NUDCD1: variants seen among roughly 807,000 people sequenced by gnomAD.
NUDCD1 encodes nudC domain-containing protein 1.
In NUDCD1, 60 loss-of-function variants were observed where a neutral mutation model predicts 67.8. The ratio of observed to expected loss-of-function variants is 0.88; its 90% CI spans 0.72 to 1.10. NUDCD1 has a LOEUF of 1.10. Ranked by LOEUF, NUDCD1 falls within the 50% of genes least tolerant of loss-of-function variation. The pLI is 0.00. For synonymous variants in NUDCD1, 244 were observed against 230.8 expected, an observed-to-expected ratio of 1.06 and a Z score of -0.52; for missense variants, 643 against 695.0, an observed-to-expected ratio of 0.93 and a Z score of 0.84.
intron 4 of NUDCD1, among the ~76,000 whole-genome samples, chr8:109,292,090 GAAT>G (rs1188350861): frequency 6.6e-6 from 1 of 151,802 alleles, no homozygotes. Flanking sequence ...AATATTTAAA[GAAT>G]AATATTTAAA....
At chr8:109,324,727 TA>T (rs1194888217) in intron 1 of NUDCD1, among the ~76,000 whole-genome samples, 1 of 152,060 alleles carries the variant, frequency 6.6e-6, no homozygotes, top group Admixed American at 6.5e-5. Context: ...TATTCAGCCA[TA>T]AAAAAGAACG....
intron 4 of NUDCD1, among the ~76,000 whole-genome samples, chr8:109,291,820 T>C (rs1371747195): frequency 6.6e-6 from 1 of 152,158 alleles, no homozygotes; most frequent in Non-Finnish European, 1.5e-5. Flanking sequence ...ACTGCTATGT[T>C]CTGAGGCAAT....
intron 6 of NUDCD1, among the ~76,000 whole-genome samples, chr8:109,276,951 C>G (rs1814303936): frequency 6.6e-6 from 1 of 152,118 alleles, no homozygotes; most frequent in African/African-American, 2.4e-5. Flanking sequence ...GTGTGAGCCA[C>G]CGTGCCCAGC....
chr8:109,263,729 G>A (rs995213851), intron 8 of NUDCD1, among the ~76,000 whole-genome samples: 1 of 152,030 alleles, frequency 6.6e-6, no homozygotes, highest in Non-Finnish European at 1.5e-5. Context: ...GGGGAGGGGG[G>A]TGCTGGGAGA....
Position 109,325,134 on chromosome 8 carries a change from C to T in NUDCD1, c.119-2671G>A, listed in dbSNP as rs1815645919. 2.0e-5 allele frequency among the ~76,000 whole-genome samples: 3 copies of T among 151,414 alleles called. No homozygotes were observed. In the South Asian group the frequency reaches 6.3e-4, roughly 32 times the overall value. ...ACCAGGTACAGAAAGACATCATACA[C>T]GCAGCTAAAAAAGTGGATTTCATGG... On this transcript the variant is annotated intron_variant, in intron 1 of 9. Coordinates refer to ENST00000239690, the MANE Select transcript of NUDCD1 (RefSeq NM_032869.4).
intron 5 of NUDCD1, among the ~76,000 whole-genome samples, chr8:109,288,885 T>C (rs759778488): frequency 2.6e-5 from 4 of 152,144 alleles, no homozygotes; most frequent in Non-Finnish European, 5.9e-5. Context: ...ATATGAACAG[T>C]AATTATTACA....
At chr8:109,251,510 C>T (rs528129149) in intron 8 of NUDCD1, among the ~76,000 whole-genome samples, 1 of 152,018 alleles carries the variant, frequency 6.6e-6, no homozygotes, top group Non-Finnish European at 1.5e-5. Context: ...AGTAATTTTG[C>T]AGCTTAAAAA....
At position 109,333,955 on chromosome 8, in the gene NUDCD1, C is replaced by T. The variant is rs768282271; in HGVS notation, c.56G>A (p.Arg19His). 11 of 1,614,010 alleles carry T rather than the reference C, an allele frequency of 6.8e-6. No individual in the cohort carries two copies. Among genetic ancestry groups the T allele is most frequent in the Non-Finnish European group, 8.5e-6 (10 of 1,179,962 alleles). ...LRVKRPLLDP[R>H]FEGYKLSLEP... is the part of the protein sequence containing the mutation. ...AAGAGAGAGCTTGTAACCCTCGAAG[C>T]GGGGATCCAACAGAGGTCTCTTCAC... is the stretch of plus-strand genomic sequence containing the variant. The change falls in exon 1 of 10, where the codon CGC becomes CAC. Residue 19 changes from arginine to histidine, a missense_variant. Arg to His is a conservative substitution (Grantham distance 29). Coordinates refer to ENST00000239690, the MANE Select transcript of NUDCD1 (RefSeq NM_032869.4).
chr8:109,283,998 A>AC (rs1563671239), intron 5 of NUDCD1, among the ~76,000 whole-genome samples: 3 of 150,452 alleles, frequency 2.0e-5, no homozygotes, highest in Admixed American at 6.6e-5. Context: ...TTAAAAAAAA[A>AC]AAAAAAAAAC....
intron 2 of NUDCD1, among the ~76,000 whole-genome samples, chr8:109,320,269 T>G (rs1327339396): frequency 3.9e-5 from 6 of 152,190 alleles, no homozygotes; most frequent in Non-Finnish European, 2.9e-5. Context: ...GGAATCTATT[T>G]CACCTCTGCA....
At chr8:109,255,678 G>GA (rs34690940) in intron 8 of NUDCD1, among the ~76,000 whole-genome samples, 258 of 92,358 alleles carry the variant, frequency 2.8e-3, no homozygotes, top group Middle Eastern at 6.0e-3. Flanking sequence ...GTTCCACACA[G>GA]AAAAAAAAAA....
chr8:109,313,031 C>G (rs1280544585), intron 2 of NUDCD1, among the ~76,000 whole-genome samples: 1 of 152,150 alleles, frequency 6.6e-6, no homozygotes, highest in Non-Finnish European at 1.5e-5. Context: ...CATAAACAAC[C>G]AATTTCCTGA....
chr8:109,266,868 A>G (rs1282946739), intron 8 of NUDCD1, among the ~76,000 whole-genome samples: 3 of 152,116 alleles, frequency 2.0e-5, no homozygotes, highest in Admixed American at 6.5e-5. Context: ...CAAAATGGCA[A>G]TTCTAACCCT....
intron 5 of NUDCD1, among the ~76,000 whole-genome samples, chr8:109,282,378 C>A (rs1228428945): frequency 1.3e-5 from 2 of 152,110 alleles, no homozygotes; most frequent in East Asian, 3.9e-4. Flanking sequence ...AACCTGCCAA[C>A]AGAAGTGCAT....
intron 3 of NUDCD1, among the ~76,000 whole-genome samples, chr8:109,294,111 T>C (rs913174490): frequency 6.1e-4 from 93 of 152,166 alleles, no homozygotes; most frequent in Non-Finnish European, 6.2e-4. Flanking sequence ...CAACAACTAT[T>C]ACATTTTTAA....
chr8:109,317,325 G>T (rs559291064), intron 2 of NUDCD1, among the ~76,000 whole-genome samples: 1 of 152,188 alleles, frequency 6.6e-6, no homozygotes. Context: ...AAACCAGCCT[G>T]GGCAACATGG....
chr8:109,310,020 A>G (rs1815205504), intron 2 of NUDCD1, among the ~76,000 whole-genome samples: 1 of 152,204 alleles, frequency 6.6e-6, no homozygotes, highest in Non-Finnish European at 1.5e-5. Flanking sequence ...ATGGATGGGT[A>G]GAATCAATAT....
At chr8:109,289,516 A>G (rs1814652281) in intron 5 of NUDCD1, among the ~76,000 whole-genome samples, 1 of 152,188 alleles carries the variant, frequency 6.6e-6, no homozygotes, top group South Asian at 2.1e-4. Flanking sequence ...AAGCTAATAA[A>G]CGATTTTTTA....
intron 1 of NUDCD1, chr8:109,329,800 C>A: frequency 6.5e-7 from 1 of 1,549,872 alleles, no homozygotes; most frequent in Non-Finnish European, 8.7e-7. Context: ...TTATGTCCTA[C>A]TTACCAGGCA....
Sources: allele counts gnomAD v4.1 joint callset (sites outside exome capture counted in the v4.1 genomes callset), GRCh38; gene constraint gnomAD v4.1.1; transcripts MANE v1.5; gene names NCBI Gene and HGNC (gene_info 2026-07-23, HGNC 2026-07-21).